The following SLC35F3 variants were observed in gnomAD, a reference collection of about 807,000 sequenced individuals.
The protein encoded by SLC35F3 is solute carrier family 35 member F3, also known as putative thiamine transporter SLC35F3.
Under a neutral mutation model 49.9 loss-of-function variants are expected in SLC35F3, and 25 were observed. The observed-to-expected ratio is 0.50, with a 90% confidence interval of 0.37 to 0.70. SLC35F3 has a LOEUF of 0.70. Among genes scored for constraint, SLC35F3 ranks in the 30% least tolerant of loss-of-function variants. The probability of loss-of-function intolerance (pLI) is 0.00; values close to 1 mark genes in which losing one functional copy is unlikely to be tolerated. For synonymous variants in SLC35F3, 275 were observed against 265.4 expected (o/e 1.04, Z -0.35); for missense variants, 525 against 639.8 (o/e 0.82, Z 1.94).
chr1:234,009,241 A>G (rs921065598), intron 2 of SLC35F3, among the ~76,000 whole-genome samples: 3 of 152,190 alleles, frequency 2.0e-5, no homozygotes, highest in Non-Finnish European at 4.4e-5. Context: ...TTTCAAATGT[A>G]TTTTGCAAAA....
intron 2 of SLC35F3, among the ~76,000 whole-genome samples, chr1:234,226,955 A>ATG (rs1572103604): frequency 7.1e-6 from 1 of 141,622 alleles, no homozygotes; most frequent in South Asian, 2.2e-4. Context: ...GCGTGCGCGC[A>ATG]CGCGTGCACA....
intron 2 of SLC35F3, among the ~76,000 whole-genome samples, chr1:233,994,822 G>A (rs1663432038): frequency 6.6e-6 from 1 of 151,482 alleles, no homozygotes; most frequent in African/African-American, 2.4e-5. Flanking sequence ...CAGTTTCTAA[G>A]TTTTTCGAGC....
intron 2 of SLC35F3, among the ~76,000 whole-genome samples, chr1:234,042,295 G>T (rs1054479634): frequency 1.2e-5 from 1 of 82,986 alleles, no homozygotes; most frequent in African/African-American, 9.1e-5. Context: ...GAAAGAAACA[G>T]GGGCATGATT....
intron 2 of SLC35F3, among the ~76,000 whole-genome samples, chr1:234,137,918 T>C (rs972014326): frequency 4.0e-5 from 6 of 151,766 alleles, no homozygotes; most frequent in Non-Finnish European, 5.9e-5. Context: ...GTTGAAAAGG[T>C]TAGATTTGGG....
chr1:234,295,917 G>T (rs1207388652), intron 3 of SLC35F3, among the ~76,000 whole-genome samples: 1 of 152,166 alleles, frequency 6.6e-6, no homozygotes, highest in Non-Finnish European at 1.5e-5. Flanking sequence ...CCAAGTAAAG[G>T]TCCACACACT....
chr1:234,026,930 G>T (rs773370473), intron 2 of SLC35F3: 1 of 152,450 alleles, frequency 6.6e-6, no homozygotes, highest in African/African-American at 2.4e-5. Flanking sequence ...GAAAGTAGTG[G>T]TGCCACACTT....
At chr1:234,181,326 ACT>A (rs1439666047) in intron 2 of SLC35F3, among the ~76,000 whole-genome samples, 5 of 134,596 alleles carry the variant, frequency 3.7e-5, no homozygotes, top group Admixed American at 7.8e-5. Flanking sequence ...ACGGAGTGAG[ACT>A]CTGTCTCAAG....
At chr1:234,065,339 C>T (rs1044825099) in intron 2 of SLC35F3, among the ~76,000 whole-genome samples, 3 of 152,116 alleles carry the variant, frequency 2.0e-5, no homozygotes, top group Non-Finnish European at 2.9e-5. Flanking sequence ...AGTAGAAACG[C>T]GGTTTCACCG....
Position 234,244,059 on chromosome 1 carries a change from A to T in SLC35F3, c.608+12318A>T, listed in dbSNP as rs570025861. On this transcript the variant is annotated intron_variant, in intron 3 of 7. Coordinates refer to ENST00000366618, the MANE Select transcript of SLC35F3 (RefSeq NM_173508.4). ...ATCAAAACTAAACTTCTGTGTGCCA[A>T]GCCTCTGAACAGAAGAGTTTGGCAT... Among the ~76,000 whole-genome samples, 42 of 152,294 alleles carry T rather than the reference A, an allele frequency of 2.8e-4. 1 individual carries two copies. Among genetic ancestry groups the T allele is most frequent in the African/African-American group, 1.0e-3 (42 of 41,568 alleles).
At chr1:234,055,084 G>A (rs12061349) in intron 2 of SLC35F3, among the ~76,000 whole-genome samples, 29 of 152,146 alleles carry the variant, frequency 1.9e-4, no homozygotes, top group African/African-American at 7.0e-4. Flanking sequence ...TAGACTACTC[G>A]GGGGTCAGGG....
At chr1:233,948,145 C>T (rs904505643) in intron 2 of SLC35F3, among the ~76,000 whole-genome samples, 10 of 150,690 alleles carry the variant, frequency 6.6e-5, no homozygotes, top group African/African-American at 2.4e-4. Context: ...TATCAAGCAT[C>T]CCACAGGGCA....
intron 2 of SLC35F3, among the ~76,000 whole-genome samples, chr1:234,136,303 C>A (rs1354931277): frequency 2.0e-5 from 3 of 146,400 alleles, no homozygotes; most frequent in Admixed American, 7.1e-5. Context: ...TTTTCTTTCT[C>A]CTTTCTCTCT....
At chr1:234,226,888 C>T (rs981618638) in intron 2 of SLC35F3, among the ~76,000 whole-genome samples, 1 of 152,102 alleles carries the variant, frequency 6.6e-6, no homozygotes, top group Non-Finnish European at 1.5e-5. Flanking sequence ...GGCGTGGTTA[C>T]ATCTCACCAT....
chr1:234,290,434 C>T (rs1668488124), intron 3 of SLC35F3, among the ~76,000 whole-genome samples: 1 of 152,180 alleles, frequency 6.6e-6, no homozygotes, highest in East Asian at 1.9e-4. Context: ...TACTCCAGCA[C>T]ATATAAAAAG....
chr1:234,157,168 C>G (rs746540877), intron 2 of SLC35F3, among the ~76,000 whole-genome samples: 6 of 152,162 alleles, frequency 3.9e-5, no homozygotes, highest in Non-Finnish European at 8.8e-5. Context: ...GAATGATACT[C>G]TTAACAATAG....
chr1:234,304,199 T>C (rs1022254424), intron 3 of SLC35F3, among the ~76,000 whole-genome samples: 2 of 152,066 alleles, frequency 1.3e-5, no homozygotes, highest in African/African-American at 4.8e-5. Context: ...TCTTGCTCTA[T>C]TACACAGGCT....
rs949567506 is a variant in SLC35F3 at position 233,957,673 on chromosome 1, G to A, written c.283+51915G>A. ...CTAATTAAAGTACAAAAATTAGTTA[G>A]GCATGGTGGTGGGTGCCTGTACTCC... On this transcript the variant is annotated intron_variant, in intron 2 of 7. Transcript: ENST00000366618. This position sits in a 1 kb window ranked among gnomAD's most constrained non-coding sequence, Gnocchi z 4.0. Among the ~76,000 whole-genome samples, 9 of 152,152 alleles carry A rather than the reference G, an allele frequency of 5.9e-5. No homozygotes were observed. Among genetic ancestry groups the A allele is most frequent in the African/African-American group, 1.9e-4 (8 of 41,506 alleles).
intron 2 of SLC35F3, among the ~76,000 whole-genome samples, chr1:234,109,687 G>A (rs188540607): frequency 6.6e-6 from 1 of 152,314 alleles, no homozygotes; most frequent in East Asian, 1.9e-4. Context: ...GGATGCAAAA[G>A]TGAGCTCGTA....
chr1:234,061,321 C>G (rs769475427), intron 2 of SLC35F3, among the ~76,000 whole-genome samples: 40 of 152,042 alleles, frequency 2.6e-4, no homozygotes, highest in South Asian at 2.1e-4. Flanking sequence ...ATTGAGAAGT[C>G]AGCTGTTAAT....
Sources: gnomAD v4.1 joint callset for allele counts (sites outside exome capture counted in the v4.1 genomes callset) on GRCh38, gnomAD v4.1.1 for gene constraint, Gnocchi (gnomAD v3.1) non-coding constraint, MANE v1.5 for transcripts, NCBI Gene and HGNC (gene_info 2026-07-23, HGNC 2026-07-21) for gene names.